TFEC: variants seen among roughly 807,000 people sequenced by gnomAD.
TFEC encodes the protein class E basic helix-loop-helix protein 34.
TFEC carries 31 observed loss-of-function variants against 41.6 expected under a neutral mutation model. The ratio of observed to expected loss-of-function variants is 0.74; its 90% CI spans 0.56 to 1.01. The LOEUF is 1.01. Ranked by LOEUF, TFEC falls within the 50% of genes least tolerant of loss-of-function variation. The pLI, the probability that TFEC is intolerant of heterozygous loss-of-function variation, is 0.00. For synonymous variants in TFEC, 143 were observed against 140.6 expected, an observed-to-expected ratio of 1.02 and a Z score of -0.12; for missense variants, 402 against 404.1, an observed-to-expected ratio of 0.99 and a Z score of 0.04.
At chr7:116,013,185 T>C (rs1414545929) in intron 1 of TFEC, among the ~76,000 whole-genome samples, 1 of 152,140 alleles carries the variant, frequency 6.6e-6, no homozygotes, top group Non-Finnish European at 1.5e-5. Flanking sequence ...AAATATACCT[T>C]GTCTTTGTTT....
At chr7:116,118,060 C>T (rs1291030404) in intron 1 of TFEC, among the ~76,000 whole-genome samples, 1 of 151,824 alleles carries the variant, frequency 6.6e-6, no homozygotes, top group Non-Finnish European at 1.5e-5. Context: ...GCCCCTTTAA[C>T]ACCAAAAGAT....
intron 3 of TFEC, among the ~76,000 whole-genome samples, chr7:116,069,778 C>T (rs1352535824): frequency 6.6e-6 from 1 of 151,710 alleles, no homozygotes; most frequent in African/African-American, 2.4e-5. Flanking sequence ...AAGCATCCTA[C>T]ATGGTCTTTT....
At chr7:116,103,317 GT>G (rs1430313444) in intron 3 of TFEC, among the ~76,000 whole-genome samples, 4 of 152,162 alleles carry the variant, frequency 2.6e-5, no homozygotes, top group Non-Finnish European at 5.9e-5. Flanking sequence ...TCTGGTAAGT[GT>G]AGTAGAAGAT....
intron 3 of TFEC, among the ~76,000 whole-genome samples, chr7:116,098,500 T>C (rs1194371984): frequency 6.6e-6 from 1 of 151,664 alleles, no homozygotes; most frequent in Non-Finnish European, 1.5e-5. Context: ...AGTGAAAGGG[T>C]GAATCCACCA....
chr7:115,948,110 A>C (rs898161746), intron 6 of TFEC, among the ~76,000 whole-genome samples: 3 of 152,216 alleles, frequency 2.0e-5, no homozygotes, highest in Middle Eastern at 3.4e-3. Flanking sequence ...GAAATGGATA[A>C]ATTCCTCGAC....
intron 1 of TFEC, among the ~76,000 whole-genome samples, chr7:116,147,796 CTCAT>C (rs533436139): frequency 5.9e-5 from 9 of 152,260 alleles, no homozygotes; most frequent in Admixed American, 5.9e-4. Flanking sequence ...GAAATTATCT[CTCAT>C]TCAATCATTC....
intron 3 of TFEC, among the ~76,000 whole-genome samples, chr7:116,086,563 T>C (rs1797207737): frequency 1.3e-5 from 2 of 151,814 alleles, no homozygotes; most frequent in Non-Finnish European, 1.5e-5. Flanking sequence ...CGAATGCTTC[T>C]TTATGAGTAC....
At position 116,084,296 on chromosome 7, in the gene TFEC, A is replaced by C. The variant is rs1337489606; in HGVS notation, c.198+26412T>G. Among the ~76,000 whole-genome samples, 3 of 151,908 alleles carry C rather than the reference A, an allele frequency of 2.0e-5. No homozygotes were observed. The East Asian group carries it at 5.8e-4, about 29-fold the overall frequency. On this transcript the variant is annotated intron_variant, in intron 3 of 8. Coordinates refer to the TFEC transcript ENST00000484212. ...CAACACAACTTTAAGGTTTTATTCGAATTTATTTCATGATATAATCTTTCC... is the reference window on the plus strand; with the variant it reads ...CAACACAACTTTAAGGTTTTATTCGCATTTATTTCATGATATAATCTTTCC...
chr7:116,132,806 G>A (rs1169944355), intron 1 of TFEC, among the ~76,000 whole-genome samples: 2 of 151,584 alleles, frequency 1.3e-5, no homozygotes, highest in African/African-American at 4.8e-5. Context: ...TTAGTTAGCT[G>A]GAAAAAAGTG....
intron 1 of TFEC, among the ~76,000 whole-genome samples, chr7:115,991,006 A>G (rs573385056): frequency 6.6e-6 from 1 of 152,234 alleles, no homozygotes; most frequent in Non-Finnish European, 1.5e-5. Flanking sequence ...CCACAAAGGG[A>G]AGCCCATCAG....
chr7:115,992,274 C>T lies in TFEC; in HGVS notation c.-72-7761G>A, dbSNP rs866267888. Among the ~76,000 whole-genome samples the T allele has an allele frequency of 7.9e-5, 12 of 152,242 alleles. No individual in the cohort carries two copies. The South Asian group carries it at 1.5e-3, about 18-fold the overall frequency. On this transcript the variant is annotated intron_variant, in intron 1 of 7. Transcript: ENST00000265440. ...GAGCAGGAAAGATCTAAAATTGACA[C>T]GCTAACATCACAATTAAAAGAACTA...
At chr7:115,951,080 T>C (rs1391712072) in intron 5 of TFEC, 131 bp from the exon 6 acceptor site, 1 of 440,190 alleles carries the variant, frequency 2.3e-6, no homozygotes, top group South Asian at 7.7e-5. Flanking sequence ...AGATAATACT[T>C]CTCAAGAATA....
intron 1 of TFEC, among the ~76,000 whole-genome samples, chr7:116,115,364 C>T (rs1325115531): frequency 6.6e-6 from 1 of 151,948 alleles, no homozygotes; most frequent in African/African-American, 2.4e-5. Context: ...GTTTCCCTAA[C>T]CTAAAGTCAA....
chr7:116,153,818 TG>T (rs1309212871), intron 1 of TFEC, among the ~76,000 whole-genome samples: 3 of 152,120 alleles, frequency 2.0e-5, no homozygotes, highest in African/African-American at 7.2e-5. Flanking sequence ...CAGAAATTGT[TG>T]GACAAAATTA....
intron 3 of TFEC, among the ~76,000 whole-genome samples, chr7:115,960,572 T>G (rs1792488326): frequency 6.6e-6 from 1 of 151,624 alleles, no homozygotes; most frequent in African/African-American, 2.4e-5. Context: ...CACAATTGGG[T>G]TGCTGTCGCA....
intron 1 of TFEC, among the ~76,000 whole-genome samples, chr7:116,029,136 T>C (rs534370466): frequency 6.6e-6 from 1 of 152,116 alleles, no homozygotes; most frequent in South Asian, 2.1e-4. Flanking sequence ...ATGTACTACA[T>C]TGAACTATTC....
intron 3 of TFEC, among the ~76,000 whole-genome samples, chr7:116,037,587 A>G (rs1170578804): frequency 6.6e-6 from 1 of 151,984 alleles, no homozygotes; most frequent in East Asian, 1.9e-4. Context: ...TTAGGAAGTG[A>G]AAGTTTCCTA....
At chr7:116,091,818 T>C (rs1384214614) in intron 3 of TFEC, among the ~76,000 whole-genome samples, 4 of 151,996 alleles carry the variant, frequency 2.6e-5, no homozygotes, top group African/African-American at 7.2e-5. Flanking sequence ...AAAAAGATTA[T>C]CCATTTGCAA....
At chr7:116,073,767 AATTTGG>A (rs1379974260) in intron 3 of TFEC, among the ~76,000 whole-genome samples, 1 of 152,014 alleles carries the variant, frequency 6.6e-6, no homozygotes, top group Admixed American at 6.6e-5. Flanking sequence ...TAATCAGAAC[AATTTGG>A]AACTGGTCAA....
Sources: allele counts gnomAD v4.1 joint callset (sites outside exome capture counted in the v4.1 genomes callset), GRCh38; gene constraint gnomAD v4.1.1; transcripts MANE v1.5; gene names NCBI Gene and HGNC (gene_info 2026-07-23, HGNC 2026-07-21).